The following ANKRD11 variants were observed in gnomAD, a reference collection of about 807,000 sequenced individuals.
ANKRD11 encodes the protein ankyrin repeat domain-containing protein 11.
ANKRD11 carries 17 observed loss-of-function variants against 195.7 expected under a neutral mutation model. The ratio of observed to expected loss-of-function variants is 0.09; its 90% confidence interval spans 0.06 to 0.13. The LOEUF (loss-of-function observed/expected upper bound fraction) is 0.13, where lower values mean the gene tolerates loss of function less well. ANKRD11 is among the 10% of genes least tolerant of loss of function. ANKRD11 has a pLI of 1.00. For synonymous variants in ANKRD11, 1,953 were observed against 1,528.1 expected (o/e 1.28, Z -6.49); for missense variants, 3,735 against 3,566.1 (o/e 1.05, Z -1.21).
At chr16:89,464,682 G>A (rs960682813) in intron 1 of ANKRD11, among the ~76,000 whole-genome samples, 2 of 151,368 alleles carry the variant, frequency 1.3e-5, no homozygotes, top group Admixed American at 1.3e-4. Context: ...CTGGAAAACA[G>A]AAGAATGACA....
chr16:89,360,678 T>C (rs756767702), intron 2 of ANKRD11: 1 of 152,172 alleles, frequency 6.6e-6, no homozygotes, highest in African/African-American at 2.4e-5. Flanking sequence ...TGGTCAACAC[T>C]AGGCAGCTTC....
intron 1 of ANKRD11, among the ~76,000 whole-genome samples, chr16:89,451,968 G>T (rs2044096002): frequency 6.6e-6 from 1 of 152,022 alleles, no homozygotes; most frequent in African/African-American, 2.4e-5. Flanking sequence ...GTATCAAATA[G>T]CTCATTTGCG....
intron 2 of ANKRD11, among the ~76,000 whole-genome samples, chr16:89,319,386 G>A (rs143846801): frequency 3.0e-4 from 46 of 152,340 alleles, no homozygotes; most frequent in African/African-American, 9.9e-4. Flanking sequence ...GAAGTGGGTC[G>A]CACCCACCAG....
intron 3 of ANKRD11, among the ~76,000 whole-genome samples, chr16:89,306,202 G>T (rs2036221570): frequency 1.1e-5 from 1 of 88,912 alleles, no homozygotes; most frequent in African/African-American, 4.7e-5. Context: ...CCACTCCGCA[G>T]ACACGCGCCA....
chr16:89,277,160 C>G (rs1229997782), intron 9 of ANKRD11, among the ~76,000 whole-genome samples: 1 of 152,262 alleles, frequency 6.6e-6, no homozygotes, highest in Non-Finnish European at 1.5e-5. Flanking sequence ...GCCCAGCCCC[C>G]CAGTGAGGGT....
intron 1 of ANKRD11, among the ~76,000 whole-genome samples, chr16:89,480,209 G>C (rs976094329): frequency 1.3e-5 from 2 of 152,016 alleles, no homozygotes; most frequent in African/African-American, 4.8e-5. Context: ...AGGCGTGATG[G>C]CTGACGCCTG....
chr16:89,379,713 G>A (rs1041510035), intron 2 of ANKRD11, among the ~76,000 whole-genome samples: 3 of 152,232 alleles, frequency 2.0e-5, no homozygotes, highest in Non-Finnish European at 4.4e-5. Flanking sequence ...TCCGTGCAGT[G>A]CACGGATTTG....
chr16:89,322,969 A>G (rs886320830), intron 2 of ANKRD11: 6 of 259,390 alleles, frequency 2.3e-5, no homozygotes, highest in Admixed American at 5.1e-5. Flanking sequence ...TGAGCCTCCC[A>G]AGTAGCTGGG....
At chr16:89,363,948 C>G (rs931193851) in intron 2 of ANKRD11, among the ~76,000 whole-genome samples, 2 of 152,256 alleles carry the variant, frequency 1.3e-5, no homozygotes, top group Admixed American at 6.5e-5. Context: ...GCAGTCCCAG[C>G]AACTCAGGAG....
chr16:89,291,061 C>T lies in ANKRD11; in HGVS notation c.349G>A (p.Val117Met), dbSNP rs1260517302. Reference sequence around the variant, plus strand: ...GCCGTCATCTGCATGAGAAGGGCCACCTGCTGGCGCTCGGAGAGGGGGTAG... The same window carrying T: ...GCCGTCATCTGCATGAGAAGGGCCATCTGCTGGCGCTCGGAGAGGGGGTAG... ...AGYPLSERQQ[V>M]ALLMQMTAEE... The change falls in exon 5 of 13, where the codon GTG becomes ATG. Residue 117 changes from valine to methionine, a missense_variant. Physicochemically the swap from Val to Met is conservative, Grantham distance 21 (BLOSUM62 1). Coordinates refer to ENST00000301030, the MANE Select transcript of ANKRD11 (RefSeq NM_013275.6). The surrounding 1 kb of genome is among the most constrained non-coding windows in gnomAD (Gnocchi z 5.3). The T allele has an allele frequency of 6.2e-7, 1 of 1,613,408 alleles. No homozygotes were observed. Among genetic ancestry groups the T allele is most frequent in the Non-Finnish European group, 8.5e-7 (1 of 1,179,876 alleles).
chr16:89,423,286 G>A (rs116728578), intron 1 of ANKRD11, among the ~76,000 whole-genome samples: 2,735 of 152,344 alleles, frequency 0.018, 82 homozygotes, highest in African/African-American at 0.062. Flanking sequence ...GGTCCACAGG[G>A]GAGCCACTGA....
chr16:89,385,036 C>T (rs1324463712), intron 2 of ANKRD11, among the ~76,000 whole-genome samples: 11 of 151,756 alleles, frequency 7.2e-5, no homozygotes, highest in East Asian at 1.9e-4. Flanking sequence ...CAGGCACACA[C>T]CACCATGCCA....
At chr16:89,298,527 A>G (rs898929746) in intron 4 of ANKRD11, among the ~76,000 whole-genome samples, 2 of 152,232 alleles carry the variant, frequency 1.3e-5, no homozygotes, top group Non-Finnish European at 2.9e-5. Flanking sequence ...AGGAGGTAGC[A>G]GACGGCCCCT....
In ANKRD11 at chr16:89,331,869, G is replaced by A. The variant is rs147535976; in HGVS notation, c.-59-14791C>T. On this transcript the variant is annotated intron_variant, in intron 2 of 12. Coordinates refer to ENST00000301030, the MANE Select transcript of ANKRD11 (RefSeq NM_013275.6). ...GGCGGATGCAATGGTGTGGACTCGGGTTTGGTTCCGGGTTAACGGGCTGGG... is the reference window on the plus strand; with the variant it reads ...GGCGGATGCAATGGTGTGGACTCGGATTTGGTTCCGGGTTAACGGGCTGGG... 4.0e-3 allele frequency among the ~76,000 whole-genome samples: 609 copies of A among 152,068 alleles called. 1 individual carries two copies. Among genetic ancestry groups the A allele is most frequent in the Non-Finnish European group, 7.1e-3 (485 of 67,946 alleles).
rs370712605 is a variant in ANKRD11 at position 89,270,192 on chromosome 16, CCTTT to C, written c.7806+621_7806+624del. 3.9e-3 allele frequency: 676 copies of C among 171,284 alleles called. 5 individuals carry two copies. Among genetic ancestry groups the C allele is most frequent in the African/African-American group, 0.015 (622 of 41,924 alleles). 10.6% of individuals were successfully genotyped at this position (171,284 alleles called of 1,614,324 possible). ...GTTCTCATCTGTGCCCACATCAGCACCTTTCTGAGAGCTGCAGTATGACACACGG... is the reference window on the plus strand; with the variant it reads ...GTTCTCATCTGTGCCCACATCAGCACCTGAGAGCTGCAGTATGACACACGG... On this transcript the variant is annotated intron_variant, in intron 12 of 12. Transcript: ENST00000301030.
intron 1 of ANKRD11, among the ~76,000 whole-genome samples, chr16:89,421,043 C>T (rs377040486): frequency 6.6e-6 from 1 of 152,340 alleles, no homozygotes; most frequent in South Asian, 2.1e-4. Context: ...ACCATGGAGA[C>T]ATGAAGGGTC....
chr16:89,362,319 A>T (rs2039765957), intron 2 of ANKRD11, among the ~76,000 whole-genome samples: 1 of 152,232 alleles, frequency 6.6e-6, no homozygotes, highest in Non-Finnish European at 1.5e-5. Context: ...TGCCTGAGTG[A>T]AACCTCACGA....
chr16:89,456,621 A>C (rs2056449143), intron 1 of ANKRD11, among the ~76,000 whole-genome samples: 1 of 152,180 alleles, frequency 6.6e-6, no homozygotes, highest in Non-Finnish European at 1.5e-5. Context: ...ACACCCAGAC[A>C]ATGCAGCATT....
At chr16:89,413,550 G>A (rs951163427) in intron 2 of ANKRD11, among the ~76,000 whole-genome samples, 4 of 152,138 alleles carry the variant, frequency 2.6e-5, no homozygotes, top group Non-Finnish European at 2.9e-5. Context: ...GCGTGAACCC[G>A]GGAGGCGGAG....
Sources: allele counts gnomAD v4.1 joint callset (sites outside exome capture counted in the v4.1 genomes callset), GRCh38; gene constraint gnomAD v4.1.1; non-coding constraint Gnocchi (gnomAD v3.1); transcripts MANE v1.5; gene names NCBI Gene and HGNC (gene_info 2026-07-23, HGNC 2026-07-21).